The following YEATS4 variants were observed in gnomAD, a reference collection of about 807,000 sequenced individuals.
YEATS4 encodes the protein YEATS domain containing 4, also known as YEATS domain-containing protein 4.
YEATS4 carries 17 observed loss-of-function variants against 30.1 expected under a neutral mutation model. The ratio of observed to expected loss-of-function variants is 0.56; its 90% CI spans 0.39 to 0.85. YEATS4 has a LOEUF of 0.85. Among genes scored for constraint, YEATS4 ranks in the 40% least tolerant of loss-of-function variants. The pLI is 0.00. For synonymous variants in YEATS4, 85 were observed against 87.5 expected, an observed-to-expected ratio of 0.97 and a Z score of 0.16; for missense variants, 142 against 268.3, an observed-to-expected ratio of 0.53 and a Z score of 3.29.
At chr12:69,364,227 A>T in intron 2 of YEATS4, 1 of 442,826 alleles carries the variant, frequency 2.3e-6, no homozygotes, top group East Asian at 7.5e-5. Flanking sequence ...CCCAAGCGGG[A>T]GGATCGCTTG....
At position 69,390,000 on chromosome 12, in the gene YEATS4, C is replaced by G. The variant is rs891921936; in HGVS notation, c.515-147C>G. ...TCAGACATTCTTCCCCTCCCCCAAC[C>G]TGCACCCATGTTTAATGTTGTAATT... On this transcript the variant is annotated intron_variant, in intron 6 of 6. Coordinates refer to ENST00000247843, the MANE Select transcript of YEATS4 (RefSeq NM_006530.4). 195 of 587,670 alleles carry G rather than the reference C, an allele frequency of 3.3e-4. 3 individuals are homozygous for G. In the South Asian group the frequency reaches 4.8e-3, roughly 15 times the overall value. 36.4% of individuals were successfully genotyped at this position (587,670 alleles called of 1,614,324 possible). A position where few individuals can be genotyped will look rare whatever the true frequency, so the allele number is the denominator to read the frequency against.
the YEATS4 span, among the ~76,000 whole-genome samples, chr12:69,412,411 G>T: frequency 2.6e-5 from 4 of 152,114 alleles, no homozygotes; most frequent in Admixed American, 2.6e-4. Flanking sequence ...CAGCACTTTG[G>T]GAGGCCGAGA....
chr12:69,420,678 GAGGCAGA>G, the YEATS4 span, among the ~76,000 whole-genome samples: 2 of 152,150 alleles, frequency 1.3e-5, no homozygotes, highest in Non-Finnish European at 1.5e-5. Context: ...CTTCATTTAG[GAGGCAGA>G]AGGAACACAG....
chr12:69,412,344 A>G, the YEATS4 span, among the ~76,000 whole-genome samples: 17 of 152,034 alleles, frequency 1.1e-4, 1 homozygote, highest in Middle Eastern at 6.8e-3. Context: ...AGGTGCCACT[A>G]TTGTCCCCAT....
At chr12:69,365,101 A>G (rs1875376735) in intron 2 of YEATS4, among the ~76,000 whole-genome samples, 4 of 152,160 alleles carry the variant, frequency 2.6e-5, no homozygotes, top group Non-Finnish European at 5.9e-5. Flanking sequence ...GTGTATTTCT[A>G]TACATTACAA....
chr12:69,420,349 AG>A, the YEATS4 span, among the ~76,000 whole-genome samples: 2 of 151,864 alleles, frequency 1.3e-5, no homozygotes, highest in Admixed American at 6.6e-5. Flanking sequence ...TGCAAAGGAA[AG>A]GGTTACTGTG....
intron 4 of YEATS4, among the ~76,000 whole-genome samples, chr12:69,366,571 T>G (rs897198763): frequency 6.6e-6 from 1 of 152,222 alleles, no homozygotes; most frequent in Non-Finnish European, 1.5e-5. Flanking sequence ...CTAGTATTTT[T>G]TCTTTTGAGT....
intron 6 of YEATS4, among the ~76,000 whole-genome samples, chr12:69,371,740 A>T (rs1222580841): frequency 6.6e-6 from 1 of 152,202 alleles, no homozygotes; most frequent in East Asian, 1.9e-4. Flanking sequence ...GTGGGAGGAA[A>T]ACAGGTATTA....
At chr12:69,388,686 TATAG>T (rs1041467756) in intron 6 of YEATS4, among the ~76,000 whole-genome samples, 2 of 152,242 alleles carry the variant, frequency 1.3e-5, no homozygotes, top group African/African-American at 2.4e-5. Flanking sequence ...AGTACTTTGT[TATAG>T]ATAGATAGTT....
the YEATS4 span, among the ~76,000 whole-genome samples, chr12:69,396,862 C>T: frequency 1.3e-5 from 2 of 152,228 alleles, no homozygotes; most frequent in East Asian, 3.9e-4. Flanking sequence ...TTTCATCTCC[C>T]TAAATGTTCT....
the YEATS4 span, among the ~76,000 whole-genome samples, chr12:69,412,571 T>G: frequency 6.6e-6 from 1 of 152,216 alleles, no homozygotes; most frequent in East Asian, 1.9e-4. Flanking sequence ...GAGAATCACT[T>G]GAACCCGGGA....
chr12:69,389,998 A>G, intron 6 of YEATS4, 149 bp from the exon 7 acceptor site: 1 of 580,058 alleles, frequency 1.7e-6, no homozygotes, highest in South Asian at 3.1e-5. Context: ...CCCTCCCCCA[A>G]CCTGCACCCA....
chr12:69,394,739 A>G (rs942667093), downstream of YEATS4, among the ~76,000 whole-genome samples: 1 of 152,088 alleles, frequency 6.6e-6, no homozygotes, highest in Non-Finnish European at 1.5e-5. Flanking sequence ...TCCTCAAACT[A>G]TAGGCCTTCA....
chr12:69,424,233 G>A, the YEATS4 span, among the ~76,000 whole-genome samples: 8 of 152,118 alleles, frequency 5.3e-5, no homozygotes, highest in African/African-American at 1.9e-4. Context: ...TGGCTTTTTT[G>A]TTAATTGCCA....
At position 69,366,344 on chromosome 12, in the gene YEATS4, C is replaced by T. The variant is rs138239496; in HGVS notation, c.333+460C>T. Among the ~76,000 whole-genome samples, 772 of 151,714 alleles carry T rather than the reference C, an allele frequency of 5.1e-3. 5 individuals are homozygous for T. Among genetic ancestry groups the T allele is most frequent in the African/African-American group, 0.018 (737 of 41,392 alleles). On this transcript the variant is annotated intron_variant, in intron 4 of 6. Coordinates refer to ENST00000247843, the MANE Select transcript of YEATS4 (RefSeq NM_006530.4). ...TTTTTATAGCCACTGGCTTTTTCATCTTTTGATCTCTTCTTATCAGATTGT... is the reference window on the plus strand; with the variant it reads ...TTTTTATAGCCACTGGCTTTTTCATTTTTTGATCTCTTCTTATCAGATTGT...
intron 6 of YEATS4, among the ~76,000 whole-genome samples, chr12:69,371,551 A>G (rs1184271111): frequency 2.0e-5 from 3 of 152,196 alleles, no homozygotes; most frequent in African/African-American, 7.2e-5. Context: ...TATGAAATCT[A>G]TTTGACATCC....
the YEATS4 span, among the ~76,000 whole-genome samples, chr12:69,411,740 C>T: frequency 6.6e-6 from 1 of 152,084 alleles, no homozygotes; most frequent in Non-Finnish European, 1.5e-5. Context: ...AGTGAGTAGG[C>T]AATTTTCTTT....
At chr12:69,392,727 A>C (rs1382619663), downstream of YEATS4, among the ~76,000 whole-genome samples, 1 of 152,226 alleles carries the variant, frequency 6.6e-6, no homozygotes, top group Non-Finnish European at 1.5e-5. Context: ...ATAGGAGATT[A>C]AGGAACTATA....
chr12:69,387,922 A>G (rs1038874938), intron 6 of YEATS4, among the ~76,000 whole-genome samples: 1 of 152,252 alleles, frequency 6.6e-6, no homozygotes, highest in African/African-American at 2.4e-5. Context: ...ATGTATAAAA[A>G]TAATTTGTAA....
Sources: allele counts gnomAD v4.1 joint callset (sites outside exome capture counted in the v4.1 genomes callset), GRCh38; gene constraint gnomAD v4.1.1; transcripts MANE v1.5; gene names NCBI Gene and HGNC (gene_info 2026-07-23, HGNC 2026-07-21).